The following SEMA3G variants were observed in gnomAD, a reference collection of about 807,000 sequenced individuals.
SEMA3G encodes semaphorin 3G, also known as semaphorin-3G.
In SEMA3G, 70 loss-of-function variants were observed where a neutral mutation model predicts 86.2. The observed-to-expected ratio is 0.81, with a 90% confidence interval of 0.67 to 0.99. The LOEUF (loss-of-function observed/expected upper bound fraction) is 0.99, where lower values mean the gene tolerates loss of function less well. Among genes scored for constraint, SEMA3G ranks in the 50% least tolerant of loss-of-function variants. The pLI, the probability that SEMA3G is intolerant of heterozygous loss-of-function variation, is 0.00. For missense variants in SEMA3G, 1,002 were observed against 1,072.4 expected, an observed-to-expected ratio of 0.93 and a Z score of 0.92; for synonymous variants, 416 against 441.4, an observed-to-expected ratio of 0.94 and a Z score of 0.72.
Position 52,441,919 on chromosome 3 carries a change from G to A in SEMA3G, c.460-10C>T. ...CCAGGTGGAGCACATGCTAGTGGGA[G>A]GGAGAGAGGGAGGGAGGGGCGTCAC... On this transcript the variant is annotated splice_polypyrimidine_tract_variant and intron_variant, in intron 4 of 15. Coordinates refer to ENST00000231721, the MANE Select transcript of SEMA3G (RefSeq NM_020163.3). The A allele has an allele frequency of 6.5e-7, 1 of 1,549,010 alleles. No individual in the cohort carries two copies.
rs1023176474 is a variant in SEMA3G at position 52,442,771 on chromosome 3, G to C, written c.252C>G (p.Asp84Glu). ...GLDALYSLRL[D>E]QAWPDPREVL... is the part of the protein sequence containing the mutation. ...CCTCCCGGGGATCTGGCCATGCCTG[G>C]TCCAGCCGCAGAGAGTAGAGGGCGT... is the stretch of plus-strand genomic sequence containing the variant. Residue 84 changes from aspartate to glutamate, a missense_variant, in exon 2 of 16, where the codon GAC becomes GAG. Asp to Glu is a conservative substitution (Grantham distance 45, BLOSUM62 2). Coordinates refer to ENST00000231721, the MANE Select transcript of SEMA3G (RefSeq NM_020163.3). The surrounding 1 kb of genome is among the most constrained non-coding windows in gnomAD (Gnocchi z 6.1). 8.1e-6 allele frequency: 13 copies of C among 1,613,876 alleles called. No individual in the cohort carries two copies. Among genetic ancestry groups the C allele is most frequent in the Non-Finnish European group, 1.1e-5 (13 of 1,179,954 alleles).
intron 10 of SEMA3G, 85 bp downstream of exon 10, chr3:52,440,292 A>G: frequency 1.6e-6 from 2 of 1,262,406 alleles, no homozygotes; most frequent in Non-Finnish European, 2.1e-6. Flanking sequence ...GTGGGGGTGC[A>G]TGGGGACATG....
rs1050546735 is a variant in SEMA3G, at chr3:52,435,894, C to T, written c.2058G>A (p.Glu686=). 20 of 1,614,074 alleles carry T rather than the reference C, an allele frequency of 1.2e-5. No homozygotes were observed. Among genetic ancestry groups the T allele is most frequent in the Non-Finnish European group, 1.6e-5 (19 of 1,180,036 alleles). The change falls in exon 16 of 16, where the codon GAG becomes GAA. Residue 686 remains glutamate, a synonymous_variant. Coordinates refer to ENST00000231721, the MANE Select transcript of SEMA3G (RefSeq NM_020163.3). ...GGGCTGGGGGCTCCTCTGGCTTTGG[C>T]TCCGGAGGGAACAGGTTGTCCAGCT... ...ASQLDNLFPP[E]PKPEEPPARG... is the part of the protein sequence containing the mutation.
Position 52,442,932 on chromosome 3 carries a change from A to G in SEMA3G, c.116-25T>C. The G allele has an allele frequency of 6.4e-7, 1 of 1,570,704 alleles. No homozygotes were observed. Among genetic ancestry groups the G allele is most frequent in the South Asian group, 1.2e-5 (1 of 85,626 alleles). ...TCTAGGAGGATGTATGGGGAGGCAG[A>G]TCAGGGCCACAGCTCAGCCTAGTTC... On this transcript the variant is annotated intron_variant, in intron 1 of 15. Coordinates refer to ENST00000231721, the MANE Select transcript of SEMA3G (RefSeq NM_020163.3). The surrounding 1 kb of genome is among the most constrained non-coding windows in gnomAD (Gnocchi z 6.1).
rs755658513 is a variant in SEMA3G, at chr3:52,441,017, T to C, written c.845A>G (p.Asn282Ser). The C allele has an allele frequency of 1.9e-6, 3 of 1,603,132 alleles. No individual in the cohort carries two copies. In the South Asian group the frequency reaches 3.3e-5, roughly 18 times the overall value. The part of the protein sequence containing the change: ...NDAGGQRVLV[N>S]KWSTFLKARL... ...GGCCTTGAGGAAAGTGCTCCATTTG[T>C]TCACCAGCACCCGCTGGCCCCCAGC... The change falls in exon 8 of 16, where the codon AAC becomes AGC. Residue 282 changes from asparagine to serine, a missense_variant. Coordinates refer to ENST00000231721, the MANE Select transcript of SEMA3G (RefSeq NM_020163.3).
intron 5 of SEMA3G, 40 bp from the exon 6 acceptor site, chr3:52,441,730 C>T: frequency 6.3e-7 from 1 of 1,597,108 alleles, no homozygotes; most frequent in Non-Finnish European, 8.6e-7. Context: ...GGGAGGAGGC[C>T]CAGGCCCAGC....
In SEMA3G at chr3:52,442,763, C is replaced by T. The variant is rs763966182; in HGVS notation, c.260G>A (p.Trp87Ter). Reference protein sequence around the residue: ...ALYSLRLDQAWPDPREVLWPP... With the variant: ...ALYSLRLDQA ...CCAGCTCACCTCCCGGGGATCTGGC[C>T]ATGCCTGGTCCAGCCGCAGAGAGTA... The change falls in exon 2 of 16, where the codon TGG becomes TAG. Residue 87 changes from tryptophan to a stop codon, truncating the protein, a stop_gained. Transcript: ENST00000231721. LOFTEE classifies it high-confidence loss of function. This position sits in a 1 kb window ranked among gnomAD's most constrained non-coding sequence, Gnocchi z 6.1. 2.6e-5 allele frequency: 42 copies of T among 1,613,886 alleles called. No individual in the cohort carries two copies. The highest frequency in any genetic ancestry group is 3.3e-5 in the Non-Finnish European group (39 of 1,179,964).
chr3:52,438,240 T>A (rs1282570408), intron 13 of SEMA3G, 41 bp from the exon 14 acceptor site: 21 of 1,564,502 alleles, frequency 1.3e-5, no homozygotes, highest in Non-Finnish European at 1.7e-5. Context: ...GAGCCCAGGC[T>A]TCGCCCACAC....
chr3:52,435,911 T>G lies in SEMA3G; in HGVS notation c.2041A>C (p.Asn681His). Residue 681 changes from asparagine (N) to histidine (H), a missense_variant, in exon 16 of 16, where the codon AAC becomes CAC. Coordinates refer to ENST00000231721, the MANE Select transcript of SEMA3G (RefSeq NM_020163.3). ...LVVIVASQLD[N>H]LFPPEPKPEE... ...GGCTTTGGCTCCGGAGGGAACAGGT[T>G]GTCCAGCTGTGAGGCCACAATCACC... 6.2e-7 allele frequency: 1 copy of G among 1,613,978 alleles called. No homozygotes were observed. Among genetic ancestry groups the G allele is most frequent in the Non-Finnish European group, 8.5e-7 (1 of 1,180,010 alleles).
intron 6 of SEMA3G, 43 bp from the exon 7 acceptor site, chr3:52,441,452 G>T: frequency 5.6e-6 from 9 of 1,607,390 alleles, no homozygotes; most frequent in Non-Finnish European, 7.7e-6. Context: ...GGGCCCCACA[G>T]GGGAGGATGG....
Position 52,439,916 on chromosome 3 carries a change from G to A in SEMA3G, c.1326C>T (p.Asp442=), listed in dbSNP as rs1236545957. The change falls in exon 11 of 16, where the codon GAC becomes GAT. Residue 442 remains aspartate (D), a synonymous_variant. Coordinates refer to ENST00000231721, the MANE Select transcript of SEMA3G (RefSeq NM_020163.3). Reference sequence around the variant, plus strand: ...AGGTCCCATCCTCTGCCTCCACGCGGTCCACCACGATCTGGTGTAGCTGCT... The same window carrying A: ...AGGTCCCATCCTCTGCCTCCACGCGATCCACCACGATCTGGTGTAGCTGCT... ...LAQQLHQIVV[D]RVEAEDGTYD... is the part of the protein sequence containing the mutation. 3 of 1,613,722 alleles carry A rather than the reference G, an allele frequency of 1.9e-6. No individual in the cohort carries two copies. Among genetic ancestry groups the A allele is most frequent in the Non-Finnish European group, 2.5e-6 (3 of 1,180,014 alleles).
chr3:52,444,010 G>A (rs1334868135), intron 1 of SEMA3G, among the ~76,000 whole-genome samples: 2 of 152,200 alleles, frequency 1.3e-5, no homozygotes, highest in Non-Finnish European at 2.9e-5. Flanking sequence ...TGCAAAAAGG[G>A]GAGGTGAAAC....
At chr3:52,441,430 T>G (rs576817951) in intron 6 of SEMA3G, 21 bp from the exon 7 acceptor site, 1 of 1,611,362 alleles carries the variant, frequency 6.2e-7, no homozygotes, top group South Asian at 1.1e-5. Flanking sequence ...GACAGGGTCA[T>G]GCTGGGTGGA....
intron 1 of SEMA3G, 39 bp downstream of exon 1, chr3:52,444,874 G>A: frequency 7.8e-7 from 1 of 1,287,972 alleles, no homozygotes; most frequent in Non-Finnish European, 9.9e-7. Context: ...CACACAAACA[G>A]GGCACATGCA....
rs1559609884 is a variant in SEMA3G at position 52,439,728 on chromosome 3, G to A, written c.1419C>T (p.Gly473=). The A allele has an allele frequency of 1.2e-6, 2 of 1,614,022 alleles. No homozygotes were observed. The highest frequency in any genetic ancestry group is 1.7e-6 in the Non-Finnish European group (2 of 1,180,014). The change falls in exon 12 of 16, where the codon GGC becomes GGT. Residue 473 remains glycine, a synonymous_variant. Transcript: ENST00000231721. Reference sequence around the variant, plus strand: ...GAACCACTTCCTCAGGTTCAGCTGAGCCCCCTGCCTGGAGAGCGATGACTT... The same window carrying A: ...GAACCACTTCCTCAGGTTCAGCTGAACCCCCTGCCTGGAGAGCGATGACTT... The part of the protein sequence containing the change: ...VLKVIALQAG[G]SAEPEEVVLE...
Position 52,440,450 on chromosome 3 carries a change from A to G in SEMA3G, c.1070T>C (p.Phe357Ser). ...GTGCTGAGGCCCATCTCGGTGGGCA[A>G]AGGGCCCGTTGAAAACCTCCCAGAT... ...ADIWEVFNGP[F>S]AHRDGPQHQW... Residue 357 changes from phenylalanine (F) to serine (S), a missense_variant, in exon 10 of 16, where the codon TTT becomes TCT. Phe to Ser is a radical substitution (Grantham distance 155). Coordinates refer to ENST00000231721, the MANE Select transcript of SEMA3G (RefSeq NM_020163.3). 2 of 1,597,568 alleles carry G rather than the reference A, an allele frequency of 1.3e-6. No individual in the cohort carries two copies. Among genetic ancestry groups the G allele is most frequent in the Middle Eastern group, 3.3e-4 (2 of 6,036 alleles).
chr3:52,441,537 C>T, intron 6 of SEMA3G, 37 bp downstream of exon 6: 1 of 1,593,462 alleles, frequency 6.3e-7, no homozygotes, highest in Non-Finnish European at 8.6e-7. Flanking sequence ...GGGAAGGTAG[C>T]CTCTTCACCC....
chr3:52,440,614 G>A, intron 9 of SEMA3G, 93 bp from the exon 10 acceptor site: 3 of 1,480,370 alleles, frequency 2.0e-6, no homozygotes, highest in Non-Finnish European at 2.8e-6. Flanking sequence ...GGGTGACAGT[G>A]CCTGCAGCAA....
In SEMA3G at chr3:52,440,964, C is replaced by A. The variant is rs754872898; in HGVS notation, c.898G>T (p.Gly300Cys). ...TGGTCAAAGTGGGTCTCGGCACCACCAGGGCCGGGCACCGAGCAGACCAGC... is the reference window on the plus strand; with the variant it reads ...TGGTCAAAGTGGGTCTCGGCACCACAAGGGCCGGGCACCGAGCAGACCAGC... ...ARLVCSVPGP[G>C]GAETHFDQLE... is the part of the protein sequence containing the mutation. Residue 300 changes from glycine (G) to cysteine (C), a missense_variant, in exon 8 of 16, where the codon GGT becomes TGT. Coordinates refer to ENST00000231721, the MANE Select transcript of SEMA3G (RefSeq NM_020163.3). 1 of 1,607,044 alleles carries A rather than the reference C, an allele frequency of 6.2e-7. No homozygotes were observed. The highest frequency in any genetic ancestry group is 1.1e-5 in the South Asian group (1 of 90,786).
Sources: allele counts gnomAD v4.1 joint callset (sites outside exome capture counted in the v4.1 genomes callset), GRCh38; gene constraint gnomAD v4.1.1; non-coding constraint Gnocchi (gnomAD v3.1); transcripts MANE v1.5; gene names NCBI Gene and HGNC (gene_info 2026-07-23, HGNC 2026-07-21).